ZNF469: variants seen among roughly 807,000 people sequenced by gnomAD.
The protein encoded by ZNF469 is zinc finger protein 469.
In ZNF469, 1 loss-of-function variant was observed where a neutral mutation model predicts 1.0. That is an observed-to-expected ratio of 1.00 (90% confidence interval 0.35 to 4.73). ZNF469 has a LOEUF of 4.73. Ranked by LOEUF, ZNF469 falls within the 30% of genes most tolerant of loss-of-function variation. ZNF469 has a pLI of 0.16. For missense variants in ZNF469, 6,100 were observed against 5,356.3 expected (o/e 1.14, Z -4.33); for synonymous variants, 2,703 against 2,363.4 (o/e 1.14, Z -4.17).
the ZNF469 span, among the ~76,000 whole-genome samples, chr16:88,147,323 T>C: frequency 4.8e-4 from 73 of 152,158 alleles, no homozygotes; most frequent in African/African-American, 1.7e-3. Context: ...CCAGGGAGAC[T>C]GGAGTCCCAC....
At chr16:88,206,388 T>G in the ZNF469 span, among the ~76,000 whole-genome samples, 956 of 152,206 alleles carry the variant, frequency 6.3e-3, 18 homozygotes, top group South Asian at 0.063. Flanking sequence ...TTCATTGCAT[T>G]GATTTATTTT....
chr16:88,180,281 CAA>C, the ZNF469 span, among the ~76,000 whole-genome samples: 2 of 151,088 alleles, frequency 1.3e-5, no homozygotes, highest in Non-Finnish European at 2.9e-5. Flanking sequence ...GATATAAAAA[CAA>C]GATCCAACTC....
At chr16:88,410,881 C>A (rs960368345) in intron 1 of ZNF469, among the ~76,000 whole-genome samples, 1 of 152,156 alleles carries the variant, frequency 6.6e-6, no homozygotes, top group Admixed American at 6.5e-5. Flanking sequence ...CCTGCTCAGG[C>A]CCCTGGAGAA....
At chr16:88,226,720 C>T in the ZNF469 span, among the ~76,000 whole-genome samples, 8 of 151,530 alleles carry the variant, frequency 5.3e-5, no homozygotes, top group Non-Finnish European at 1.0e-4. Context: ...CTCAGGAGGG[C>T]CCGAAACAGG....
chr16:88,212,460 C>T, the ZNF469 span, among the ~76,000 whole-genome samples: 9 of 152,230 alleles, frequency 5.9e-5, no homozygotes, highest in African/African-American at 1.7e-4. Context: ...CAGTGGTATC[C>T]CTGAATTTTC....
At chr16:88,350,448 C>T in the ZNF469 span, among the ~76,000 whole-genome samples, 1 of 152,266 alleles carries the variant, frequency 6.6e-6, no homozygotes, top group Non-Finnish European at 1.5e-5. Flanking sequence ...ACCACCAGCT[C>T]TCGCCTGGGC....
the ZNF469 span, among the ~76,000 whole-genome samples, chr16:88,328,858 T>A: frequency 1.3e-5 from 2 of 150,626 alleles, no homozygotes; most frequent in African/African-American, 2.4e-5. Flanking sequence ...GGCAGGCGGG[T>A]GGGGGAGACG....
the ZNF469 span, among the ~76,000 whole-genome samples, chr16:88,165,433 A>G: frequency 6.6e-6 from 1 of 152,088 alleles, no homozygotes; most frequent in African/African-American, 2.4e-5. Context: ...GCACCATTTC[A>G]GGAGGGCTCA....
Position 88,428,685 on chromosome 16 carries a change from C to T in ZNF469, c.1215C>T (p.His405=), listed in dbSNP as rs1394419183. 3 of 1,549,768 alleles carry T rather than the reference C, an allele frequency of 1.9e-6. No individual in the cohort carries two copies. The highest frequency in any genetic ancestry group is 2.6e-6 in the Non-Finnish European group (3 of 1,146,838). Reference sequence around the variant, plus strand: ...CCCCTAGCTCCCTACCCCAGAGGCACTTTCCAGGGCAGGCGTACAGAGCCA... The same window carrying T: ...CCCCTAGCTCCCTACCCCAGAGGCATTTTCCAGGGCAGGCGTACAGAGCCA... ...RGPPSSLPQR[H]FPGQAYRASG... Residue 405 remains histidine, a synonymous_variant, in exon 3 of 3, where the codon CAC becomes CAT. Transcript: ENST00000565624.
the ZNF469 span, among the ~76,000 whole-genome samples, chr16:88,288,812 A>G: frequency 5.3e-5 from 8 of 151,550 alleles, no homozygotes; most frequent in Non-Finnish European, 1.2e-4. Context: ...TAAAAGGATG[A>G]CAAATAAAAG....
the ZNF469 span, among the ~76,000 whole-genome samples, chr16:88,159,217 C>G: frequency 2.6e-4 from 1 of 3,906 alleles, no homozygotes; most frequent in South Asian, 0.016. Flanking sequence ...GCGGACCACT[C>G]TCACCGTCCT....
the ZNF469 span, among the ~76,000 whole-genome samples, chr16:88,310,677 G>T: frequency 3.7e-3 from 570 of 152,020 alleles, 3 homozygotes; most frequent in African/African-American, 0.013. Context: ...CCACCTCCTG[G>T]GTTCAAGCGA....
At chr16:88,314,681 G>A in the ZNF469 span, among the ~76,000 whole-genome samples, 9 of 151,088 alleles carry the variant, frequency 6.0e-5, no homozygotes, top group African/African-American at 1.7e-4. Context: ...CTGTAATTAC[G>A]ATGATGCTGG....
the ZNF469 span, among the ~76,000 whole-genome samples, chr16:88,102,791 G>T: frequency 6.6e-6 from 1 of 152,212 alleles, no homozygotes; most frequent in Non-Finnish European, 1.5e-5. Context: ...CTACCAAGGC[G>T]TCCACCGCAG....
At position 88,433,536 on chromosome 16, in the gene ZNF469, C is replaced by G. The variant is rs1038073295; in HGVS notation, c.6066C>G (p.Pro2022=). The change falls in exon 3 of 3, where the codon CCC becomes CCG. Residue 2022 remains proline (P), a synonymous_variant. Coordinates refer to ENST00000565624, the MANE Select transcript of ZNF469 (RefSeq NM_001367624.2). ...ACCACGCCTCAGTCAATGCCAGTCC[C>G]AAAACAGCGCTGACCGGCCCCACCG... ...TDNHASVNAS[P]KTALTGPTEG... is the part of the protein sequence containing the mutation. The G allele has an allele frequency of 6.4e-7, 1 of 1,550,402 alleles. No individual in the cohort carries two copies. The highest frequency in any genetic ancestry group is 8.7e-7 in the Non-Finnish European group (1 of 1,146,942).
the ZNF469 span, among the ~76,000 whole-genome samples, chr16:88,319,672 C>T: frequency 1.9e-4 from 29 of 152,272 alleles, no homozygotes; most frequent in African/African-American, 5.5e-4. Flanking sequence ...TAGGAAGCCC[C>T]GTCTGTGGGT....
chr16:88,206,361 C>T, the ZNF469 span, among the ~76,000 whole-genome samples: 2 of 152,318 alleles, frequency 1.3e-5, no homozygotes, highest in Admixed American at 6.5e-5. Flanking sequence ...GTCTGGGCGC[C>T]TCCCTTGGGA....
chr16:88,299,577 C>G, the ZNF469 span, among the ~76,000 whole-genome samples: 1 of 152,180 alleles, frequency 6.6e-6, no homozygotes, highest in Non-Finnish European at 1.5e-5. Context: ...ATAGCTGAAC[C>G]CAGGGAAGCT....
chr16:88,325,842 C>A, the ZNF469 span, among the ~76,000 whole-genome samples: 1 of 152,010 alleles, frequency 6.6e-6, no homozygotes, highest in Non-Finnish European at 1.5e-5. Flanking sequence ...CCACGCATCC[C>A]AGATGGGGCT....
Sources: allele counts gnomAD v4.1 joint callset (sites outside exome capture counted in the v4.1 genomes callset), GRCh38; gene constraint gnomAD v4.1.1; transcripts MANE v1.5; gene names NCBI Gene and HGNC (gene_info 2026-07-23, HGNC 2026-07-21).